EFL1: variants seen among roughly 807,000 people sequenced by gnomAD.
EFL1 encodes the protein elongation factor-like GTPase 1.
A neutral mutation model predicts 126.7 loss-of-function variants in EFL1; 76 were observed. The observed-to-expected ratio is 0.60, with a 90% CI of 0.50 to 0.73. The LOEUF is 0.73. EFL1 is among the 30% of genes least tolerant of loss of function. The pLI is 0.00. For missense variants in EFL1, 1,128 were observed against 1,343.2 expected, an observed-to-expected ratio of 0.84 and a Z score of 2.50; for synonymous variants, 410 against 448.4, an observed-to-expected ratio of 0.91 and a Z score of 1.08.
intron 15 of EFL1, among the ~76,000 whole-genome samples, chr15:82,205,181 C>T (rs1470629267): frequency 1.3e-5 from 2 of 152,176 alleles, no homozygotes; most frequent in South Asian, 2.1e-4. Flanking sequence ...AGCCTATAGT[C>T]CCTCTGGCAC....
At chr15:82,139,985 C>T (rs762711902) in intron 18 of EFL1, among the ~76,000 whole-genome samples, 5 of 152,110 alleles carry the variant, frequency 3.3e-5, no homozygotes, top group African/African-American at 7.2e-5. Context: ...CCCCTAGTGG[C>T]GGTTATTAGG....
chr15:82,186,409 G>T (rs923617333), intron 15 of EFL1, among the ~76,000 whole-genome samples: 8 of 152,128 alleles, frequency 5.3e-5, no homozygotes, highest in Non-Finnish European at 8.8e-5. Context: ...AACCTAAAAA[G>T]CACATCTCTT....
intron 15 of EFL1, among the ~76,000 whole-genome samples, chr15:82,173,095 GTGTT>G (rs1026672362): frequency 6.6e-6 from 1 of 152,080 alleles, no homozygotes; most frequent in Non-Finnish European, 1.5e-5. Context: ...TCACGGTAAT[GTGTT>G]TGTCACAGCA....
intron 15 of EFL1, among the ~76,000 whole-genome samples, chr15:82,166,016 T>C (rs1467200212): frequency 2.0e-5 from 3 of 152,192 alleles, no homozygotes; most frequent in Non-Finnish European, 4.4e-5. Flanking sequence ...GGTACTATGA[T>C]GTAACAGATC....
intron 18 of EFL1, 103 bp from the exon 19 acceptor site, chr15:82,138,945 A>C: frequency 1.8e-6 from 2 of 1,086,466 alleles, no homozygotes; most frequent in Non-Finnish European, 2.5e-6. Context: ...TAAATGATTA[A>C]ATTTGTTCTC....
chr15:82,186,392 A>G (rs1476011038), intron 15 of EFL1, among the ~76,000 whole-genome samples: 1 of 152,202 alleles, frequency 6.6e-6, no homozygotes, highest in Non-Finnish European at 1.5e-5. Flanking sequence ...GCTCTTTAGT[A>G]AAGCCCAACC....
intron 15 of EFL1, among the ~76,000 whole-genome samples, chr15:82,186,455 C>T (rs1044898589): frequency 1.3e-5 from 2 of 152,158 alleles, no homozygotes; most frequent in Non-Finnish European, 2.9e-5. Flanking sequence ...GATGCTCTGG[C>T]AGTTAAACAC....
chr15:82,252,708 G>A lies in EFL1; in HGVS notation c.227C>T (p.Ser76Phe), dbSNP rs747075807. The A allele has an allele frequency of 4.3e-6, 7 of 1,612,392 alleles. No individual in the cohort carries two copies. The highest frequency in any genetic ancestry group is 1.3e-5 in the African/African-American group (1 of 74,884). ...TGATTTACCTGTTGCATAATGTAGGGAAATGGCACTGGATTTCATAGTGAT... is the reference window on the plus strand; with the variant it reads ...TGATTTACCTGTTGCATAATGTAGGAAAATGGCACTGGATTTCATAGTGAT... The part of the protein sequence containing the change: ...RGITMKSSAI[S>F]LHYATGNEEY... Residue 76 changes from serine to phenylalanine, a missense_variant, in exon 4 of 20, where the codon TCC (serine) becomes TTC (phenylalanine). Ser to Phe is a radical substitution (Grantham distance 155). This residue lies in a region of EFL1 where 118 missense variants were observed against 188.1 expected (regional missense o/e 0.63). Coordinates refer to ENST00000268206, the MANE Select transcript of EFL1 (RefSeq NM_024580.6).
intron 18 of EFL1, among the ~76,000 whole-genome samples, chr15:82,143,178 T>C (rs1224884756): frequency 6.6e-6 from 1 of 152,178 alleles, no homozygotes; most frequent in Non-Finnish European, 1.5e-5. Context: ...TTCAGAATAA[T>C]AAGTAAACTG....
chr15:82,259,217 C>T, intron 2 of EFL1, 62 bp from the exon 3 acceptor site: 1 of 1,407,372 alleles, frequency 7.1e-7, no homozygotes, highest in Non-Finnish European at 1.0e-6. Flanking sequence ...ATGGATCATA[C>T]CTATAGATTT....
chr15:82,214,210 GA>G (rs1030562471), intron 15 of EFL1, among the ~76,000 whole-genome samples: 5 of 152,144 alleles, frequency 3.3e-5, no homozygotes, highest in Admixed American at 6.6e-5. Context: ...GCACATGGGG[GA>G]CAGAAGTCAA....
At chr15:82,217,701 T>C (rs1197602465) in intron 14 of EFL1, among the ~76,000 whole-genome samples, 1 of 152,210 alleles carries the variant, frequency 6.6e-6, no homozygotes, top group Non-Finnish European at 1.5e-5. Context: ...CCTCCCATGA[T>C]GCCTGCTTCC....
At position 82,152,282 on chromosome 15, in the gene EFL1, A is replaced by C. The variant is rs756559129; in HGVS notation, c.2172T>G (p.Asp724Glu). The C allele has an allele frequency of 1.2e-6, 2 of 1,614,064 alleles. No homozygotes were observed. Among genetic ancestry groups the C allele is most frequent in the Non-Finnish European group, 8.5e-7 (1 of 1,180,004 alleles). ...KVAVIHQMKE[D>E]QSKIPEGIQV... Reference sequence around the variant, plus strand: ...GGATTCCTTCAGGGATTTTGCTTTGATCTTCTTTCATTTGGTGTATGACTG... The same window carrying C: ...GGATTCCTTCAGGGATTTTGCTTTGCTCTTCTTTCATTTGGTGTATGACTG... The change falls in exon 18 of 20, where the codon GAT (aspartate) becomes GAG (glutamate). Residue 724 changes from aspartate (D) to glutamate (E), a missense_variant. Physicochemically the swap from Asp to Glu is conservative, Grantham distance 45. Around this residue, in one of 6 missense-constraint regions of EFL1, gnomAD observed 561 missense variants for 641.7 expected, o/e 0.87. Coordinates refer to ENST00000268206, the MANE Select transcript of EFL1 (RefSeq NM_024580.6).
intron 4 of EFL1, among the ~76,000 whole-genome samples, chr15:82,250,134 C>T (rs533145632): frequency 1.0e-4 from 15 of 147,430 alleles, no homozygotes; most frequent in African/African-American, 2.3e-4. Flanking sequence ...CCCCTTCAGA[C>T]GTCCCACCTT....
chr15:82,147,115 C>T (rs536774843), intron 18 of EFL1, among the ~76,000 whole-genome samples: 79 of 152,106 alleles, frequency 5.2e-4, no homozygotes, highest in Admixed American at 1.6e-3. Context: ...GCTAGGAATT[C>T]AGTCTGATAA....
intron 15 of EFL1, among the ~76,000 whole-genome samples, chr15:82,177,109 G>T (rs2074203129): frequency 6.6e-6 from 1 of 152,190 alleles, no homozygotes; most frequent in Non-Finnish European, 1.5e-5. Flanking sequence ...TGGGATGTTT[G>T]TAAGGTTCTG....
At chr15:82,160,675 A>G (rs548379057) in intron 16 of EFL1, among the ~76,000 whole-genome samples, 33 of 152,336 alleles carry the variant, frequency 2.2e-4, no homozygotes, top group African/African-American at 7.0e-4. Flanking sequence ...TGGATAAAGG[A>G]TAAAACAATT....
At chr15:82,207,947 C>T (rs1491002774) in intron 15 of EFL1, among the ~76,000 whole-genome samples, 1 of 152,156 alleles carries the variant, frequency 6.6e-6, no homozygotes, top group African/African-American at 2.4e-5. Context: ...TTTTGAACTC[C>T]TGACCTCAGG....
chr15:82,188,056 A>C (rs913573790), intron 15 of EFL1, among the ~76,000 whole-genome samples: 1 of 152,130 alleles, frequency 6.6e-6, no homozygotes, highest in Non-Finnish European at 1.5e-5. Flanking sequence ...TCTTTAATAA[A>C]ATATAACTCT....
Sources: gnomAD v4.1 joint callset for allele counts (sites outside exome capture counted in the v4.1 genomes callset) on GRCh38, gnomAD v4.1.1 for gene constraint, gnomAD v4.1.1 regional missense constraint, MANE v1.5 for transcripts, NCBI Gene and HGNC (gene_info 2026-07-23, HGNC 2026-07-21) for gene names.